Variants in BAZ1B observed in about 807,000 individuals in gnomAD.
BAZ1B encodes tyrosine-protein kinase BAZ1B.
In BAZ1B, 22 loss-of-function variants were observed where a neutral mutation model predicts 153.8. The observed-to-expected ratio is 0.14, with a 90% CI of 0.10 to 0.20. The LOEUF is 0.20. Among genes scored for constraint, BAZ1B ranks in the 10% least tolerant of loss-of-function variants. The pLI is 1.00. For missense variants in BAZ1B, 1,325 were observed against 1,799.3 expected, an observed-to-expected ratio of 0.74 and a Z score of 4.77; for synonymous variants, 676 against 633.4, an observed-to-expected ratio of 1.07 and a Z score of -1.01.
Position 73,459,523 on chromosome 7 carries a change from A to G in BAZ1B, c.3432+13T>C. 1 of 1,608,994 alleles carries G rather than the reference A, an allele frequency of 6.2e-7. No homozygotes were observed. Among genetic ancestry groups the G allele is most frequent in the East Asian group, 2.2e-5 (1 of 44,858 alleles). ...TACGGAATCATAAACTACAACTTAT[A>G]ACAACAAAATACCTTTGCTTCCTCT... On this transcript the variant is annotated intron_variant, in intron 13 of 19. Coordinates refer to ENST00000339594, the MANE Select transcript of BAZ1B (RefSeq NM_032408.4).
In BAZ1B at chr7:73,478,172, G is replaced by C. The variant is rs1554573166; in HGVS notation, c.1289C>G (p.Thr430Ser). ...NSKSPKKGLK[T>S]PKTKMKQMTL... The stretch of plus-strand genomic sequence containing the variant: ...CATCTGCTTCATTTTGGTTTTAGGA[G>C]TCTTCAGTCCTTTTTTGGGAGATTT... Residue 430 changes from threonine to serine, a missense_variant, in exon 7 of 20, where the codon ACT becomes AGT. This residue lies in a region of BAZ1B where 219 missense variants were observed against 248.2 expected (regional missense o/e 0.88). Coordinates refer to ENST00000339594, the MANE Select transcript of BAZ1B (RefSeq NM_032408.4). The C allele has an allele frequency of 6.2e-7, 1 of 1,614,122 alleles. No individual in the cohort carries two copies. The highest frequency in any genetic ancestry group is 8.5e-7 in the Non-Finnish European group (1 of 1,180,028).
chr7:73,506,567 T>C (rs1790350552), intron 3 of BAZ1B, among the ~76,000 whole-genome samples: 1 of 143,642 alleles, frequency 7.0e-6, no homozygotes, highest in Non-Finnish European at 1.5e-5. Context: ...ATTAAACATG[T>C]CTGAGGCCGG....
chr7:73,510,924 T>C (rs782113970), intron 1 of BAZ1B, 72 bp from the exon 2 acceptor site: 92 of 1,253,224 alleles, frequency 7.3e-5, no homozygotes, highest in Middle Eastern at 5.7e-4. Context: ...AAGATACTTA[T>C]ATACAGAAAA....
chr7:73,496,550 C>CT lies in BAZ1B; in HGVS notation c.571+1946dup, dbSNP rs77116562. Reference sequence around the variant, plus strand: ...GAGGGAGACCAATACACACCAAACACTTGGTGCACCTACATTTTTGGAGAC... The same window carrying CT: ...GAGGGAGACCAATACACACCAAACACTTTGGTGCACCTACATTTTTGGAGAC... On this transcript the variant is annotated intron_variant, in intron 4 of 19. Coordinates refer to ENST00000339594, the MANE Select transcript of BAZ1B (RefSeq NM_032408.4). Among the ~76,000 whole-genome samples, 59 of 152,304 alleles carry CT rather than the reference C, an allele frequency of 3.9e-4. No individual in the cohort carries two copies. In the East Asian group the frequency reaches 0.011, roughly 27 times the overall value.
rs1430139715 is a variant in BAZ1B, at chr7:73,518,569, A to C, written c.107+3258T>G. 3.3e-5 allele frequency among the ~76,000 whole-genome samples: 5 copies of C among 151,408 alleles called. No individual in the cohort carries two copies. In the East Asian group the frequency reaches 7.8e-4, roughly 24 times the overall value. ...TTAACACATGCTCTAAGGCAGACGC[A>C]GTAGTGCGTGCCTGTAGTCCCAGCT... On this transcript the variant is annotated intron_variant, in intron 1 of 19. Transcript: ENST00000339594.
chr7:73,511,644 T>G (rs548766592), intron 1 of BAZ1B, among the ~76,000 whole-genome samples: 5 of 151,724 alleles, frequency 3.3e-5, no homozygotes, highest in Non-Finnish European at 7.4e-5. Flanking sequence ...TAAGAAAAAG[T>G]AAAGGTACAT....
At chr7:73,472,912 G>A (rs1467730733) in intron 7 of BAZ1B, among the ~76,000 whole-genome samples, 1 of 149,484 alleles carries the variant, frequency 6.7e-6, no homozygotes, top group African/African-American at 2.4e-5. Flanking sequence ...CGAGTAGCTG[G>A]AATTACAGGC....
chr7:73,487,060 A>T (rs10239940), intron 6 of BAZ1B, among the ~76,000 whole-genome samples: 3,698 of 152,314 alleles, frequency 0.024, 158 homozygotes, highest in African/African-American at 0.083. Flanking sequence ...CCAGTATTTT[A>T]CATGAGTCTT....
intron 2 of BAZ1B, among the ~76,000 whole-genome samples, chr7:73,509,336 C>CAA (rs368866270): frequency 6.7e-6 from 1 of 149,240 alleles, no homozygotes; most frequent in East Asian, 2.0e-4. Flanking sequence ...AACAAACAAA[C>CAA]AAAAAAAAAC....
At chr7:73,470,882 A>G (rs1788778081) in intron 7 of BAZ1B, among the ~76,000 whole-genome samples, 1 of 152,058 alleles carries the variant, frequency 6.6e-6, no homozygotes, top group Non-Finnish European at 1.5e-5. Context: ...CTACAGGCAC[A>G]CACCACCGTG....
intron 12 of BAZ1B, 98 bp from the exon 13 acceptor site, chr7:73,459,816 C>T (rs1409770610): frequency 2.8e-6 from 3 of 1,055,926 alleles, no homozygotes; most frequent in Admixed American, 2.7e-5. Context: ...TCAAATGCCA[C>T]ATAACATTCA....
chr7:73,501,232 G>T (rs1417618796), intron 3 of BAZ1B, among the ~76,000 whole-genome samples: 3 of 152,034 alleles, frequency 2.0e-5, no homozygotes, highest in African/African-American at 7.2e-5. Context: ...CTCCAGCCTG[G>T]GTAACAAGAA....
At chr7:73,449,411 A>G (rs782488698) in intron 15 of BAZ1B, 131 bp downstream of exon 15, 5 of 1,110,912 alleles carry the variant, frequency 4.5e-6, no homozygotes, top group African/African-American at 1.6e-5. Flanking sequence ...AGTACTGTAA[A>G]TGATCAGGCT....
At chr7:73,459,319 C>T (rs1426898432) in intron 13 of BAZ1B, among the ~76,000 whole-genome samples, 7 of 150,752 alleles carry the variant, frequency 4.6e-5, no homozygotes, top group Non-Finnish European at 8.9e-5. Context: ...GTGACCATCA[C>T]CCAATGACCA....
At chr7:73,501,181 G>A (rs933472010) in intron 3 of BAZ1B, among the ~76,000 whole-genome samples, 3 of 151,876 alleles carry the variant, frequency 2.0e-5, no homozygotes, top group African/African-American at 7.3e-5. Context: ...GCTTGAACCT[G>A]GGATGCGGAG....
chr7:73,449,026 C>T (rs960240064), intron 15 of BAZ1B, among the ~76,000 whole-genome samples: 1 of 152,108 alleles, frequency 6.6e-6, no homozygotes, highest in African/African-American at 2.4e-5. Context: ...GCGGAGACCA[C>T]GGAGAATGGA....
chr7:73,466,716 A>G (rs1161645325), intron 9 of BAZ1B, among the ~76,000 whole-genome samples: 2 of 152,210 alleles, frequency 1.3e-5, no homozygotes, highest in Non-Finnish European at 2.9e-5. Context: ...CTCCTTTTAC[A>G]TGATGTTAAG....
At chr7:73,448,126 GA>G (rs1239471207) in intron 15 of BAZ1B, among the ~76,000 whole-genome samples, 2 of 152,164 alleles carry the variant, frequency 1.3e-5, no homozygotes, top group African/African-American at 4.8e-5. Flanking sequence ...CCAACATGGA[GA>G]AACCCCATCT....
chr7:73,515,531 C>CTTTTTTTT (rs869065388), intron 1 of BAZ1B, among the ~76,000 whole-genome samples: 5 of 111,392 alleles, frequency 4.5e-5, no homozygotes, highest in Admixed American at 1.0e-4. Context: ...AGCCTTGTTC[C>CTTTTTTTT]TTTTTTTTTT....
Sources: gnomAD v4.1 joint callset for allele counts (sites outside exome capture counted in the v4.1 genomes callset) on GRCh38, gnomAD v4.1.1 for gene constraint, gnomAD v4.1.1 regional missense constraint, MANE v1.5 for transcripts, NCBI Gene and HGNC (gene_info 2026-07-23, HGNC 2026-07-21) for gene names.